Variants in PGM5 observed in about 807,000 individuals in gnomAD.
The protein encoded by PGM5 is phosphoglucomutase 5.
A neutral mutation model predicts 59.2 loss-of-function variants in PGM5; 23 were observed. That is an observed-to-expected ratio of 0.39 (90% confidence interval 0.28 to 0.55). The LOEUF (loss-of-function observed/expected upper bound fraction) is 0.55, where lower values mean the gene tolerates loss of function less well. Ranked by LOEUF, PGM5 falls within the 20% of genes least tolerant of loss-of-function variation. PGM5 has a pLI of 0.66. For missense variants in PGM5, 574 were observed against 748.3 expected (o/e 0.77, Z 2.72); for synonymous variants, 214 against 286.0 (o/e 0.75, Z 2.54).
intron 6 of PGM5, among the ~76,000 whole-genome samples, chr9:68,462,471 A>T (rs149115813): frequency 1.2e-3 from 180 of 152,224 alleles, no homozygotes; most frequent in Admixed American, 2.1e-3. Context: ...TTGATTACCC[A>T]TATTGTTATT....
At chr9:68,527,244 A>T (rs1309407631) in intron 10 of PGM5, among the ~76,000 whole-genome samples, 1 of 152,232 alleles carries the variant, frequency 6.6e-6, no homozygotes, top group African/African-American at 2.4e-5. Context: ...GTAAAACTGA[A>T]TATGTTTTAA....
At chr9:68,483,124 T>C (rs1824225611) in intron 8 of PGM5, among the ~76,000 whole-genome samples, 1 of 152,174 alleles carries the variant, frequency 6.6e-6, no homozygotes. Context: ...TCCATTCTAC[T>C]TACATAGAAC....
At chr9:68,376,827 TTCTTTCTC>T (rs1331795981) in intron 1 of PGM5, among the ~76,000 whole-genome samples, 2 of 106,818 alleles carry the variant, frequency 1.9e-5, no homozygotes, top group South Asian at 2.6e-4. Context: ...CTTTCTTTCT[TTCTTTCTC>T]TTTCTTTCTT....
chr9:68,401,465 C>T (rs1181015208), intron 6 of PGM5, among the ~76,000 whole-genome samples: 1 of 152,164 alleles, frequency 6.6e-6, no homozygotes, highest in Non-Finnish European at 1.5e-5. Flanking sequence ...AGCCTATTTT[C>T]AGCCCTCCCA....
intron 6 of PGM5, among the ~76,000 whole-genome samples, chr9:68,411,337 C>T (rs1822925632): frequency 6.7e-6 from 1 of 150,374 alleles, no homozygotes; most frequent in Non-Finnish European, 1.5e-5. Flanking sequence ...CCACCCTGGG[C>T]AACATAGAGA....
At chr9:68,403,503 G>C (rs1356608060) in intron 6 of PGM5, among the ~76,000 whole-genome samples, 1 of 152,166 alleles carries the variant, frequency 6.6e-6, no homozygotes, top group Non-Finnish European at 1.5e-5. Context: ...TGCCAAAAAG[G>C]TTGGGGACCA....
intron 6 of PGM5, among the ~76,000 whole-genome samples, chr9:68,446,487 A>G (rs782714150): frequency 6.6e-6 from 1 of 152,200 alleles, no homozygotes; most frequent in Non-Finnish European, 1.5e-5. Context: ...CTGATCCCCT[A>G]TTTCTTTCTG....
chr9:68,385,513 A>C (rs1554678777), intron 3 of PGM5, among the ~76,000 whole-genome samples: 1 of 152,102 alleles, frequency 6.6e-6, no homozygotes. Flanking sequence ...GTTTTGAGTC[A>C]GTTGTTTGCT....
At chr9:68,406,690 A>ATATATATATATATATGTG in intron 6 of PGM5, among the ~76,000 whole-genome samples, 1 of 57,928 alleles carries the variant, frequency 1.7e-5, no homozygotes, top group African/African-American at 7.1e-5. Context: ...ATATATATAT[A>ATATATATATATATATGTG]TATATATATA....
At chr9:68,370,708 G>A in intron 1 of PGM5, among the ~76,000 whole-genome samples, 1 of 152,230 alleles carries the variant, frequency 6.6e-6, no homozygotes, top group Admixed American at 6.5e-5. Context: ...GATTCCCTTG[G>A]CACCTGGTAT....
intron 10 of PGM5, among the ~76,000 whole-genome samples, chr9:68,514,092 C>T (rs547648443): frequency 5.9e-5 from 9 of 152,332 alleles, no homozygotes; most frequent in South Asian, 2.1e-4. Flanking sequence ...TGCAGAATCT[C>T]GGGCCCCAAC....
intron 1 of PGM5, among the ~76,000 whole-genome samples, chr9:68,364,192 G>T (rs1834635498): frequency 6.6e-6 from 1 of 151,378 alleles, no homozygotes; most frequent in Admixed American, 6.6e-5. Flanking sequence ...GAAATGCAGT[G>T]GTATGCAGAA....
intron 7 of PGM5, among the ~76,000 whole-genome samples, chr9:68,476,984 A>AT (rs35728957): frequency 0.14 from 20,531 of 150,990 alleles, 2,956 homozygotes; most frequent in African/African-American, 0.35. Context: ...AATAAAAGTG[A>AT]TTTTTTTTTT....
chr9:68,438,528 T>G (rs1823476084), intron 6 of PGM5, among the ~76,000 whole-genome samples: 1 of 152,162 alleles, frequency 6.6e-6, no homozygotes, highest in Non-Finnish European at 1.5e-5. Flanking sequence ...GTTCTGATTT[T>G]GAGTAAGATG....
chr9:68,509,964 C>A (rs1824720268), intron 10 of PGM5, among the ~76,000 whole-genome samples: 1 of 151,980 alleles, frequency 6.6e-6, no homozygotes, highest in South Asian at 2.1e-4. Flanking sequence ...GTCAGCCAGG[C>A]CCCAAGATGT....
At chr9:68,481,188 A>G (rs1824191469) in intron 8 of PGM5, among the ~76,000 whole-genome samples, 2 of 152,198 alleles carry the variant, frequency 1.3e-5, no homozygotes, top group Admixed American at 6.5e-5. Flanking sequence ...TTTTACTTAG[A>G]TATGTATCAG....
intron 2 of PGM5, among the ~76,000 whole-genome samples, chr9:68,383,446 T>C (rs1401409861): frequency 2.6e-5 from 4 of 151,996 alleles, no homozygotes; most frequent in Non-Finnish European, 5.9e-5. Context: ...GCATTTACAA[T>C]TGCAGCACAC....
chr9:68,516,511 G>C (rs746180370), intron 10 of PGM5, among the ~76,000 whole-genome samples: 2 of 152,200 alleles, frequency 1.3e-5, no homozygotes, highest in Non-Finnish European at 2.9e-5. Context: ...GTTAGGCGAA[G>C]TACAGAGAGA....
intron 10 of PGM5, among the ~76,000 whole-genome samples, chr9:68,524,389 AGGATGCAAGG>A (rs1341134267): frequency 1.3e-5 from 2 of 152,212 alleles, no homozygotes; most frequent in African/African-American, 2.4e-5. Context: ...CCATCTTGAA[AGGATGCAAGG>A]CCTGCTTGGT....
Sources: gnomAD v4.1 joint callset for allele counts (sites outside exome capture counted in the v4.1 genomes callset) on GRCh38, gnomAD v4.1.1 for gene constraint, MANE v1.5 for transcripts, NCBI Gene and HGNC (gene_info 2026-07-23, HGNC 2026-07-21) for gene names.